FHAD1: variants seen among roughly 807,000 people sequenced by gnomAD.
FHAD1 encodes the protein forkhead associated phosphopeptide binding domain 1, also known as forkhead-associated domain-containing protein 1.
In FHAD1, 146 loss-of-function variants were observed where a neutral mutation model predicts 191.3. The observed-to-expected ratio is 0.76, with a 90% confidence interval of 0.67 to 0.88. The LOEUF (loss-of-function observed/expected upper bound fraction) is 0.88, where lower values mean the gene tolerates loss of function less well. Ranked by LOEUF, FHAD1 falls within the 40% of genes least tolerant of loss-of-function variation. FHAD1 has a pLI of 0.00. For missense variants in FHAD1, 1,635 were observed against 1,785.8 expected, an observed-to-expected ratio of 0.92 and a Z score of 1.52; for synonymous variants, 616 against 672.3, an observed-to-expected ratio of 0.92 and a Z score of 1.29.
intron 2 of FHAD1, among the ~76,000 whole-genome samples, chr1:15,266,334 C>G (rs1653479353): frequency 6.6e-6 from 1 of 151,864 alleles, no homozygotes; most frequent in Non-Finnish European, 1.5e-5. Flanking sequence ...ATCTTGAACT[C>G]CTGGGTTCAA....
chr1:15,290,795 G>A (rs764090044), intron 4 of FHAD1, among the ~76,000 whole-genome samples: 4 of 151,436 alleles, frequency 2.6e-5, no homozygotes, highest in Non-Finnish European at 4.4e-5. Context: ...TGCAAGCTCC[G>A]CCTTCTGGGT....
chr1:15,256,645 CAAAAAAA>C (rs34598860), intron 2 of FHAD1, among the ~76,000 whole-genome samples: 7 of 71,264 alleles, frequency 9.8e-5, no homozygotes, highest in African/African-American at 2.1e-4. Context: ...AGACTCTGTC[CAAAAAAA>C]AAAAAAAAAA....
At chr1:15,359,184 A>T (rs1395189452) in intron 21 of FHAD1, among the ~76,000 whole-genome samples, 1 of 152,122 alleles carries the variant, frequency 6.6e-6, no homozygotes, top group Non-Finnish European at 1.5e-5. Flanking sequence ...AAGAGGAGAC[A>T]AGAGGAGTAA....
At chr1:15,359,328 T>G (rs1369257441) in intron 21 of FHAD1, among the ~76,000 whole-genome samples, 1 of 152,050 alleles carries the variant, frequency 6.6e-6, no homozygotes, top group African/African-American at 2.4e-5. Flanking sequence ...CAGGCATGTG[T>G]GAGTGTCTCG....
At chr1:15,358,006 T>G (rs1693440483) in intron 20 of FHAD1, 104 bp from the exon 21 acceptor site, 1 of 776,772 alleles carries the variant, frequency 1.3e-6, no homozygotes, top group Non-Finnish European at 2.0e-6. Context: ...GACAGAATAA[T>G]TAGAGAATAG....
At chr1:15,290,834 G>A (rs559053) in intron 4 of FHAD1, among the ~76,000 whole-genome samples, 34,916 of 151,056 alleles carry the variant, frequency 0.23, 4,733 homozygotes, top group Non-Finnish European at 0.31. Context: ...TCAGCCTCCC[G>A]AGTAGCTGGG....
chr1:15,352,750 T>C, intron 19 of FHAD1, 127 bp from the exon 20 acceptor site: 1 of 686,574 alleles, frequency 1.5e-6, no homozygotes, highest in Non-Finnish European at 2.5e-6. Flanking sequence ...GTGGGTGCTT[T>C]GTTCTTTGAG....
chr1:15,325,330 CGTGTGT>C lies in FHAD1; in HGVS notation c.1473+780_1473+785del. On this transcript the variant is annotated intron_variant, in intron 11 of 33. Coordinates refer to ENST00000688493, the MANE Select transcript of FHAD1 (RefSeq NM_001391957.1). This position sits in a 1 kb window ranked among gnomAD's most constrained non-coding sequence, Gnocchi z 4.6. Reference sequence around the variant, plus strand: ...TGGTTTGCACACACACGTGTGTGTGCGTGTGTGTGTGTGTATTACTGGGAAGGAGGG... The same window carrying C: ...TGGTTTGCACACACACGTGTGTGTGCGTGTGTGTATTACTGGGAAGGAGGG... The C allele has an allele frequency of 6.6e-6, 1 of 151,164 alleles. No individual in the cohort carries two copies. Among genetic ancestry groups the C allele is most frequent in the South Asian group, 2.1e-4 (1 of 4,746 alleles). 9.4% of individuals were successfully genotyped at this position (151,164 alleles called of 1,614,324 possible).
intron 14 of FHAD1, among the ~76,000 whole-genome samples, chr1:15,332,712 G>A (rs35333415): frequency 0.012 from 1,880 of 152,250 alleles, 16 homozygotes; most frequent in African/African-American, 0.021. Context: ...GTGAGACCTT[G>A]TCTAAAAATA....
chr1:15,285,254 G>T (rs1362292603), intron 3 of FHAD1, among the ~76,000 whole-genome samples: 1 of 152,180 alleles, frequency 6.6e-6, no homozygotes, highest in Non-Finnish European at 1.5e-5. Context: ...AAACAATGCC[G>T]GGCGCTGTGG....
chr1:15,243,023 T>A (rs1645573410), upstream of FHAD1, among the ~76,000 whole-genome samples: 1 of 152,116 alleles, frequency 6.6e-6, no homozygotes, highest in Non-Finnish European at 1.5e-5. Flanking sequence ...CTTTGCAGTT[T>A]TTGAACGGAT....
rs949067050 is a variant in FHAD1, at chr1:15,308,664, G to C, written c.967G>C (p.Glu323Gln). ...YSKVLCQTLSERNSEITSLKN... is the reference protein window; with the variant it reads ...YSKVLCQTLSQRNSEITSLKN... ...CAAGGTGCTGTGCCAGACCCTGTCA[G>C]AGCGGAACTCAGAAATCACATCCCT... The change falls in exon 7 of 34, where the codon GAG (glutamate) becomes CAG (glutamine). Residue 323 changes from glutamate (E) to glutamine (Q), a missense_variant. Transcript: ENST00000688493. The C allele has an allele frequency of 1.3e-6, 2 of 1,551,664 alleles. No homozygotes were observed. Among genetic ancestry groups the C allele is most frequent in the African/African-American group, 2.7e-5 (2 of 73,066 alleles).
At position 15,380,767 on chromosome 1, in the gene FHAD1, G is replaced by A. The variant is rs1700715225; in HGVS notation, c.3772G>A (p.Ala1258Thr). 6.4e-7 allele frequency: 1 copy of A among 1,551,602 alleles called. No individual in the cohort carries two copies. Among genetic ancestry groups the A allele is most frequent in the South Asian group, 1.2e-5 (1 of 84,060 alleles). The change falls in exon 29 of 34, where the codon GCT (alanine) becomes ACT (threonine). Residue 1258 changes from alanine to threonine, a missense_variant. Physicochemically the swap from Ala to Thr is moderately conservative, Grantham distance 58. Transcript: ENST00000688493. ...AMEKSGKMDV[A>T]EALELSEKLY... ...GGAGAAGTCAGGGAAGATGGATGTG[G>A]CTGAGGCTTTAGAGCTCAGTGAAAA... is the stretch of plus-strand genomic sequence containing the variant.
Position 15,312,744 on chromosome 1 carries a change from C to T in FHAD1, c.1040-313C>T, listed in dbSNP as rs1672674893. ...TGTGAATCAACACGTCCCTTGCTGCCACAGGCCCATGTCGTGGCCCCTCCT... is the reference window on the plus strand; with the variant it reads ...TGTGAATCAACACGTCCCTTGCTGCTACAGGCCCATGTCGTGGCCCCTCCT... On this transcript the variant is annotated intron_variant, in intron 7 of 33. Coordinates refer to ENST00000688493, the MANE Select transcript of FHAD1 (RefSeq NM_001391957.1). The surrounding 1 kb of genome is among the most constrained non-coding windows in gnomAD (Gnocchi z 4.7). 6.6e-6 allele frequency among the ~76,000 whole-genome samples: 1 copy of T among 152,204 alleles called. No individual in the cohort carries two copies. Among genetic ancestry groups the T allele is most frequent in the African/African-American group, 2.4e-5 (1 of 41,446 alleles).
Position 15,289,803 on chromosome 1 carries a change from A to G in FHAD1, c.568+137A>G. On this transcript the variant is annotated intron_variant, in intron 4 of 33. Coordinates refer to ENST00000688493, the MANE Select transcript of FHAD1 (RefSeq NM_001391957.1). The surrounding 1 kb of genome is among the most constrained non-coding windows in gnomAD (Gnocchi z 4.2). ...AAATGAAAATAAATTCAGGATAAGCAGAAAGTAAGAAAACAGTTAAAAAAT... is the reference window on the plus strand; with the variant it reads ...AAATGAAAATAAATTCAGGATAAGCGGAAAGTAAGAAAACAGTTAAAAAAT... The G allele has an allele frequency of 1.5e-6, 2 of 1,355,462 alleles. No individual in the cohort carries two copies. Among genetic ancestry groups the G allele is most frequent in the East Asian group, 5.1e-5 (2 of 39,596 alleles). The allele number at this position is 1,355,462 out of a possible 1,614,324, so 84.0% of individuals were successfully genotyped here.
At chr1:15,328,184 A>ATCTCTCCCCTCTCCCAT in intron 12 of FHAD1, 93 bp from the exon 13 acceptor site, 1 of 916,382 alleles carries the variant, frequency 1.1e-6, no homozygotes, top group Non-Finnish European at 1.5e-6. Context: ...CTTAAGTTGC[A>ATCTCTCCCCTCTCCCAT]TCTCTCCCCT....
chr1:15,349,219 G>T (rs1422695716), intron 19 of FHAD1, 70 bp downstream of exon 19: 65 of 1,221,162 alleles, frequency 5.3e-5, no homozygotes, highest in Non-Finnish European at 6.7e-5. Flanking sequence ...GAGTACAGTG[G>T]GAAATCGGGC....
At chr1:15,351,212 G>A (rs1690732411) in intron 19 of FHAD1, among the ~76,000 whole-genome samples, 1 of 152,162 alleles carries the variant, frequency 6.6e-6, no homozygotes, top group South Asian at 2.1e-4. Flanking sequence ...GGGCCTGGTG[G>A]TGCACACCTG....
At chr1:15,244,097 A>G (rs2100606346), upstream of FHAD1, among the ~76,000 whole-genome samples, 1 of 152,084 alleles carries the variant, frequency 6.6e-6, no homozygotes, top group South Asian at 2.1e-4. This position sits in a 1 kb window ranked among gnomAD's most constrained non-coding sequence, Gnocchi z 5.1. Flanking sequence ...ATCACTGTTT[A>G]ATTGCAATGT....
Sources: gnomAD v4.1 joint callset for allele counts (sites outside exome capture counted in the v4.1 genomes callset) on GRCh38, gnomAD v4.1.1 for gene constraint, Gnocchi (gnomAD v3.1) non-coding constraint, MANE v1.5 for transcripts, NCBI Gene and HGNC (gene_info 2026-07-23, HGNC 2026-07-21) for gene names.